Variants in SLC1A2 observed in about 807,000 individuals in gnomAD.
SLC1A2 encodes solute carrier family 1 member 2, also known as excitatory amino acid transporter 2.
In SLC1A2, 15 loss-of-function variants were observed where a neutral mutation model predicts 48.8. The ratio of observed to expected loss-of-function variants is 0.31; its 90% confidence interval spans 0.21 to 0.47. The LOEUF (loss-of-function observed/expected upper bound fraction) is 0.47. Ranked by LOEUF, SLC1A2 falls within the 20% of genes least tolerant of loss-of-function variation. SLC1A2 has a pLI of 0.99. For synonymous variants in SLC1A2, 279 were observed against 272.6 expected (o/e 1.02, Z -0.23); for missense variants, 502 against 730.5 (o/e 0.69, Z 3.61).
At chr11:35,357,217 A>C (rs909321258) in intron 1 of SLC1A2, among the ~76,000 whole-genome samples, 6 of 151,846 alleles carry the variant, frequency 4.0e-5, no homozygotes, top group Non-Finnish European at 7.4e-5. Flanking sequence ...AGATCGTGCC[A>C]CTGCACTCCA....
chr11:35,314,653 C>A (rs989804705), intron 3 of SLC1A2, among the ~76,000 whole-genome samples: 3 of 150,484 alleles, frequency 2.0e-5, no homozygotes, highest in African/African-American at 7.3e-5. Context: ...GCACAGGTTG[C>A]AGTGAGCTGA....
intron 1 of SLC1A2, among the ~76,000 whole-genome samples, chr11:35,382,744 T>C (rs777951241): frequency 2.2e-4 from 34 of 151,374 alleles, no homozygotes; most frequent in Middle Eastern, 3.4e-3. Flanking sequence ...TGCAGTGAGC[T>C]GCGATCACGC....
At chr11:35,316,253 T>C (rs1023703172) in intron 2 of SLC1A2, 6 of 152,200 alleles carry the variant, frequency 3.9e-5, no homozygotes, top group African/African-American at 1.4e-4. Flanking sequence ...AATGACCCTT[T>C]CAGAAACCAC....
chr11:35,385,528 A>C (rs1283496969), intron 1 of SLC1A2, among the ~76,000 whole-genome samples: 2 of 152,154 alleles, frequency 1.3e-5, no homozygotes, highest in African/African-American at 4.8e-5. Context: ...TAGCAGTCAA[A>C]TGTTCTTTCT....
chr11:35,315,291 G>A lies in SLC1A2; in HGVS notation c.158-116C>T, dbSNP rs932839569. ...TCATGCTTCTGCAGTATTAAATGAT[G>A]AACAATGTGTAACAAAAACAACATT... On this transcript the variant is annotated intron_variant, in intron 2 of 10. Transcript: ENST00000278379. 58 of 689,642 alleles carry A rather than the reference G, an allele frequency of 8.4e-5. No homozygotes were observed. The African/African-American group carries it at 9.1e-4, about 11-fold the overall frequency. 42.7% of individuals were successfully genotyped at this position (689,642 alleles called of 1,614,324 possible). A position where few individuals can be genotyped will look rare whatever the true frequency, so the allele number is the denominator to read the frequency against.
chr11:35,391,022 C>CT (rs1326902733), intron 1 of SLC1A2: 2 of 152,108 alleles, frequency 1.3e-5, no homozygotes, highest in African/African-American at 4.8e-5. Context: ...TATAGTGTGG[C>CT]TACAAGAAAA....
At chr11:35,420,122 A>G (rs1590302835), upstream of SLC1A2, 1 of 200,504 alleles carries the variant, frequency 5.0e-6, no homozygotes. Flanking sequence ...GGCGGGGTGC[A>G]GGGGAGGCCG....
Position 35,302,007 on chromosome 11 carries a change from G to A in SLC1A2, c.731-362C>T, listed in dbSNP as rs185545931. ...CAGATTAACGAGGAAAAGCCTGTTG[G>A]GACTTGGGGATTATCATACAAACTT... On this transcript the variant is annotated intron_variant, in intron 5 of 10. Coordinates refer to ENST00000278379, the MANE Select transcript of SLC1A2 (RefSeq NM_004171.4). Among the ~76,000 whole-genome samples the A allele has an allele frequency of 1.3e-3, 195 of 152,310 alleles. 1 individual carries two copies. Among genetic ancestry groups the A allele is most frequent in the African/African-American group, 4.3e-3 (178 of 41,564 alleles).
chr11:35,285,209 TG>T (rs1263074466), intron 8 of SLC1A2: 9 of 152,226 alleles, frequency 5.9e-5, no homozygotes, highest in African/African-American at 2.2e-4. Flanking sequence ...AGAGGTAAAC[TG>T]TGGAATAGAA....
intron 1 of SLC1A2, among the ~76,000 whole-genome samples, chr11:35,405,681 CA>C (rs1181290487): frequency 9.2e-5 from 14 of 152,154 alleles, no homozygotes; most frequent in Admixed American, 9.2e-4. Context: ...TTTTCCCAGA[CA>C]GCTGCATGGG....
chr11:35,300,208 G>A (rs1174991296), intron 6 of SLC1A2, among the ~76,000 whole-genome samples: 1 of 152,122 alleles, frequency 6.6e-6, no homozygotes, highest in African/African-American at 2.4e-5. Context: ...ATGCATCAAG[G>A]GTTTTGATAC....
At chr11:35,330,637 C>A (rs769733981) in intron 1 of SLC1A2, among the ~76,000 whole-genome samples, 2 of 152,066 alleles carry the variant, frequency 1.3e-5, no homozygotes, top group Admixed American at 1.3e-4. Context: ...CCAGGTGGGA[C>A]CAGTGGAATC....
Position 35,351,712 on chromosome 11 carries a change from T to C in SLC1A2, c.18-34196A>G, listed in dbSNP as rs59592085. On this transcript the variant is annotated intron_variant, in intron 1 of 10. Coordinates refer to ENST00000278379, the MANE Select transcript of SLC1A2 (RefSeq NM_004171.4). ...GTGCAGTGGCACAATCTCGGCTCAC[T>C]ACAACCCTCTCCTCCCAGGCTCAAG... Among the ~76,000 whole-genome samples, 1,350 of 152,338 alleles carry C rather than the reference T, an allele frequency of 8.9e-3. 19 individuals carry two copies. Among genetic ancestry groups the C allele is most frequent in the African/African-American group, 0.031 (1,283 of 41,562 alleles).
chr11:35,288,831 A>C (rs908930372), intron 7 of SLC1A2, among the ~76,000 whole-genome samples: 1 of 148,818 alleles, frequency 6.7e-6, no homozygotes, highest in Non-Finnish European at 1.5e-5. Flanking sequence ...AAATGTCATC[A>C]AATGGTCTTT....
At chr11:35,378,994 C>T (rs1478884005) in intron 1 of SLC1A2, among the ~76,000 whole-genome samples, 1 of 152,078 alleles carries the variant, frequency 6.6e-6, no homozygotes, top group Admixed American at 6.6e-5. Flanking sequence ...TTTGGGAGGC[C>T]GAGGGGGATG....
At position 35,311,561 on chromosome 11, in the gene SLC1A2, G is replaced by C. The variant is rs566486837; in HGVS notation, c.561+637C>G. ...TCAACATAAGTAGCTCTAGAGAAGG[G>C]GAAGCAGAAGCTTCTAACTTTTACT... On this transcript the variant is annotated intron_variant, in intron 4 of 10. Coordinates refer to ENST00000278379, the MANE Select transcript of SLC1A2 (RefSeq NM_004171.4). 3.7e-4 allele frequency among the ~76,000 whole-genome samples: 56 copies of C among 152,190 alleles called. 1 individual carries two copies. The highest frequency in any genetic ancestry group is 3.4e-3 in the Middle Eastern group (1 of 294).
chr11:35,329,439 T>C (rs1333248074), intron 1 of SLC1A2, among the ~76,000 whole-genome samples: 7 of 152,172 alleles, frequency 4.6e-5, no homozygotes, highest in African/African-American at 1.4e-4. Flanking sequence ...ATGTTGACAG[T>C]TGGGGAGGCT....
intron 1 of SLC1A2, among the ~76,000 whole-genome samples, chr11:35,407,646 G>A (rs1159537629): frequency 6.6e-6 from 1 of 152,194 alleles, no homozygotes; most frequent in Admixed American, 6.5e-5. Context: ...TCTGGCAAAG[G>A]CCAATGATGG....
At chr11:35,360,451 C>T (rs193009806) in intron 1 of SLC1A2, among the ~76,000 whole-genome samples, 9 of 152,188 alleles carry the variant, frequency 5.9e-5, no homozygotes, top group African/African-American at 2.2e-4. Flanking sequence ...TGGGTGCCTA[C>T]CTTCACTTCT....
Sources: gnomAD v4.1 joint callset for allele counts (sites outside exome capture counted in the v4.1 genomes callset) on GRCh38, gnomAD v4.1.1 for gene constraint, MANE v1.5 for transcripts, NCBI Gene and HGNC (gene_info 2026-07-23, HGNC 2026-07-21) for gene names.